SLC35F4: variants seen among roughly 807,000 people sequenced by gnomAD.
SLC35F4 encodes chromosome 14 open reading frame 36.
SLC35F4 carries 24 observed loss-of-function variants against 44.2 expected under a neutral mutation model. The ratio of observed to expected loss-of-function variants is 0.54; its 90% CI spans 0.39 to 0.76. The LOEUF (loss-of-function observed/expected upper bound fraction) is 0.76. Ranked by LOEUF, SLC35F4 falls within the 30% of genes least tolerant of loss-of-function variation. SLC35F4 has a pLI of 0.00. For missense variants in SLC35F4, 562 were observed against 586.1 expected, an observed-to-expected ratio of 0.96 and a Z score of 0.42; for synonymous variants, 238 against 223.6, an observed-to-expected ratio of 1.06 and a Z score of -0.57.
At chr14:57,902,289 C>G (rs888996834) in intron 1 of SLC35F4, among the ~76,000 whole-genome samples, 2 of 152,044 alleles carry the variant, frequency 1.3e-5, no homozygotes, top group African/African-American at 4.8e-5. Context: ...TCTGGCTGGG[C>G]GCGGTGGCTC....
At chr14:57,744,129 G>A (rs1378955802) in intron 1 of SLC35F4, among the ~76,000 whole-genome samples, 1 of 152,102 alleles carries the variant, frequency 6.6e-6, no homozygotes, top group Non-Finnish European at 1.5e-5. Flanking sequence ...CATACTGAAT[G>A]GGCAAACACT....
intron 1 of SLC35F4, among the ~76,000 whole-genome samples, chr14:57,701,974 A>T (rs1257035167): frequency 1.3e-5 from 2 of 152,182 alleles, no homozygotes; most frequent in Non-Finnish European, 2.9e-5. Context: ...AAGGAGACTA[A>T]ATATGCAATA....
intron 1 of SLC35F4, among the ~76,000 whole-genome samples, chr14:57,891,116 T>C (rs1315929425): frequency 6.6e-6 from 1 of 152,164 alleles, no homozygotes; most frequent in Non-Finnish European, 1.5e-5. Flanking sequence ...ATTTCTTTGA[T>C]GAGGTGAAAA....
In SLC35F4 at chr14:57,738,787, A is replaced by ATATATATG. The variant is rs1491518109; in HGVS notation, c.103+126935_103+126936insCATATATA. 4.0e-3 allele frequency among the ~76,000 whole-genome samples: 383 copies of ATATATATG among 96,888 alleles called. 3 individuals carry two copies. The highest frequency in any genetic ancestry group is 0.012 in the Middle Eastern group (2 of 168). 63.6% of individuals were successfully genotyped at this position (96,888 alleles called of 152,430 possible). On this transcript the variant is annotated intron_variant, in intron 1 of 7. Coordinates refer to ENST00000556826, the MANE Select transcript of SLC35F4 (RefSeq NM_001306087.2). ...TATATATATATATATATATATATAT[A>ATATATATG]GGCTTCATATGTATACATGTATATA...
chr14:57,848,342 T>C (rs1428638135), intron 1 of SLC35F4, among the ~76,000 whole-genome samples: 1 of 152,160 alleles, frequency 6.6e-6, no homozygotes, highest in African/African-American at 2.4e-5. Flanking sequence ...ACACCAGGCA[T>C]GGTTGAAGAC....
At chr14:57,972,687 G>A (rs944571544), downstream of SLC35F4, among the ~76,000 whole-genome samples, 2 of 152,176 alleles carry the variant, frequency 1.3e-5, no homozygotes, top group African/African-American at 4.8e-5. Context: ...TCAGCCTAGT[G>A]GTCTCATTTC....
At chr14:57,833,748 C>T (rs1228733233) in intron 1 of SLC35F4, among the ~76,000 whole-genome samples, 1 of 152,178 alleles carries the variant, frequency 6.6e-6, no homozygotes, top group Non-Finnish European at 1.5e-5. Context: ...TAAATTTGCT[C>T]ATTAGGGTAG....
chr14:57,961,816 C>G (rs1890344210), intron 1 of SLC35F4, among the ~76,000 whole-genome samples: 1 of 152,200 alleles, frequency 6.6e-6, no homozygotes, highest in African/African-American at 2.4e-5. Flanking sequence ...CTCAGCCCTC[C>G]CTGCCTCAAC....
At chr14:57,963,911 T>TG (rs1039721189) in intron 1 of SLC35F4, among the ~76,000 whole-genome samples, 1 of 151,780 alleles carries the variant, frequency 6.6e-6, no homozygotes, top group Admixed American at 6.6e-5. Context: ...TTTGCAGAGA[T>TG]GGGGTCTCGT....
At chr14:57,712,616 A>G (rs1391667452) in intron 1 of SLC35F4, among the ~76,000 whole-genome samples, 7 of 152,234 alleles carry the variant, frequency 4.6e-5, no homozygotes, top group African/African-American at 1.7e-4. Flanking sequence ...CCTGGGGGGA[A>G]TTTATACCCC....
chr14:57,838,155 A>G (rs1885123640), intron 1 of SLC35F4, among the ~76,000 whole-genome samples: 1 of 152,232 alleles, frequency 6.6e-6, no homozygotes, highest in Non-Finnish European at 1.5e-5. Context: ...ATACAAAGCA[A>G]TGTTTCATAA....
At chr14:57,630,246 TAC>T (rs2072700927) in intron 1 of SLC35F4, 2 of 553,524 alleles carry the variant, frequency 3.6e-6, no homozygotes, top group South Asian at 3.3e-5. Context: ...TGATGACAGA[TAC>T]AGACATTCTA....
In SLC35F4 at chr14:57,564,150, A is replaced by G. The variant is rs777795055; in HGVS notation, c.1443T>C (p.Ser481=). The G allele has an allele frequency of 5.0e-6, 8 of 1,613,790 alleles. No homozygotes were observed. The highest frequency in any genetic ancestry group is 6.8e-6 in the Non-Finnish European group (8 of 1,179,816). ...ATGTCCCTCTCTAAGCCAGTGGTAT[A>G]GACACTGTCCCATTGGCTCTGCCTC... The part of the protein sequence containing the change: ...RGRGRANGTV[S]IPLA Residue 481 remains serine (S), a synonymous_variant, in exon 8 of 8, where the codon TCT becomes TCC. Coordinates refer to ENST00000556826, the MANE Select transcript of SLC35F4 (RefSeq NM_001306087.2).
chr14:57,600,714 A>C (rs1243037676), intron 1 of SLC35F4, among the ~76,000 whole-genome samples: 62 of 83,904 alleles, frequency 7.4e-4, no homozygotes, highest in South Asian at 1.4e-3. Flanking sequence ...AAAAAAAAAA[A>C]AAAAACCAAA....
chr14:57,738,534 A>G (rs1005218148), intron 1 of SLC35F4, among the ~76,000 whole-genome samples: 29 of 152,056 alleles, frequency 1.9e-4, no homozygotes, highest in African/African-American at 7.0e-4. Context: ...TGGCTTCCCC[A>G]TGACTGCCCA....
chr14:57,701,568 CAT>C (rs1289544006), intron 1 of SLC35F4, among the ~76,000 whole-genome samples: 3 of 152,156 alleles, frequency 2.0e-5, no homozygotes, highest in African/African-American at 4.8e-5. Flanking sequence ...ACCACAAACA[CAT>C]GAGTAATACA....
chr14:57,697,210 C>G (rs1485407630), intron 1 of SLC35F4, among the ~76,000 whole-genome samples: 37 of 151,998 alleles, frequency 2.4e-4, no homozygotes, highest in Non-Finnish European at 2.9e-5. Flanking sequence ...TCTCTTATGA[C>G]TTTCTCTTTG....
intron 1 of SLC35F4, among the ~76,000 whole-genome samples, chr14:57,968,681 C>A (rs926223656): frequency 2.6e-5 from 4 of 152,142 alleles, no homozygotes; most frequent in African/African-American, 9.7e-5. Context: ...GGGGATAATA[C>A]CTGGCAATCT....
intron 1 of SLC35F4, among the ~76,000 whole-genome samples, chr14:57,646,614 T>C (rs1470889740): frequency 2.0e-5 from 3 of 152,126 alleles, no homozygotes; most frequent in Admixed American, 6.5e-5. Context: ...TTTGTGTCTC[T>C]ATTTCCTTCA....
Sources: gnomAD v4.1 joint callset for allele counts (sites outside exome capture counted in the v4.1 genomes callset) on GRCh38, gnomAD v4.1.1 for gene constraint, MANE v1.5 for transcripts, NCBI Gene and HGNC (gene_info 2026-07-23, HGNC 2026-07-21) for gene names.